The following GPR149 variants were observed in gnomAD, a reference collection of about 807,000 sequenced individuals.
GPR149 encodes the protein G protein-coupled receptor 149.
GPR149 carries 50 observed loss-of-function variants against 50.2 expected under a neutral mutation model. That is an observed-to-expected ratio of 1.00 (90% CI 0.79 to 1.26). The LOEUF (loss-of-function observed/expected upper bound fraction) is 1.26, where lower values mean the gene tolerates loss of function less well. Ranked by LOEUF, GPR149 falls within the 50% of genes most tolerant of loss-of-function variation. The pLI is 0.00. For synonymous variants in GPR149, 405 were observed against 358.2 expected (o/e 1.13, Z -1.48); for missense variants, 983 against 895.4 (o/e 1.10, Z -1.25).
At chr3:154,352,480 A>AAT in intron 3 of GPR149, 2 of 781,074 alleles carry the variant, frequency 2.6e-6, no homozygotes, top group East Asian at 4.9e-5. Flanking sequence ...TTCAGGAGGC[A>AAT]CACACTGGTA....
intron 3 of GPR149, among the ~76,000 whole-genome samples, chr3:154,399,539 T>A (rs1220846212): frequency 6.6e-6 from 1 of 152,208 alleles, no homozygotes; most frequent in African/African-American, 2.4e-5. Flanking sequence ...TCACTCTGTA[T>A]CCTACTTTGA....
chr3:154,429,242 A>C lies in GPR149; in HGVS notation c.374T>G (p.Leu125Arg). 6.2e-7 allele frequency: 1 copy of C among 1,614,190 alleles called. No individual in the cohort carries two copies. Among genetic ancestry groups the C allele is most frequent in the Non-Finnish European group, 8.5e-7 (1 of 1,180,032 alleles). The change falls in exon 1 of 4, where the codon CTC (leucine) becomes CGC (arginine). Residue 125 changes from leucine to arginine, a missense_variant. By Grantham distance (102) the Leu-to-Arg change is moderately radical. Transcript: ENST00000389740. ...CGTATAAAAGTTGTAAGAGACTAGG[A>C]GAGTCGCCTTCAAGTTGCTAGAGAG... ...QGLSSNLKAT[L>R]LVSYNFYTMH...
chr3:154,367,703 C>CT (rs1714562430), intron 3 of GPR149, among the ~76,000 whole-genome samples: 1 of 152,184 alleles, frequency 6.6e-6, no homozygotes. Context: ...AAACTTACAG[C>CT]TTTTTTTCTC....
At chr3:154,384,630 C>T (rs2108408548) in intron 3 of GPR149, among the ~76,000 whole-genome samples, 1 of 152,272 alleles carries the variant, frequency 6.6e-6, no homozygotes, top group African/African-American at 2.4e-5. Context: ...TTCTCAAATG[C>T]CTCATTTTTC....
At chr3:154,425,959 T>A (rs1198388828) in intron 2 of GPR149, among the ~76,000 whole-genome samples, 1 of 127,174 alleles carries the variant, frequency 7.9e-6, no homozygotes, top group Non-Finnish European at 1.7e-5. Context: ...ACTTTTCATT[T>A]TCACTGGCAC....
intron 3 of GPR149, among the ~76,000 whole-genome samples, chr3:154,355,275 C>G (rs904468319): frequency 1.3e-5 from 2 of 152,324 alleles, no homozygotes; most frequent in Middle Eastern, 6.8e-3. Context: ...ATCCACCCAC[C>G]TTGGCCTCCC....
At chr3:154,410,321 GA>G (rs1305450702) in intron 3 of GPR149, among the ~76,000 whole-genome samples, 4 of 151,614 alleles carry the variant, frequency 2.6e-5, no homozygotes, top group Non-Finnish European at 5.9e-5. Flanking sequence ...CAATAACAAT[GA>G]AAAAAACCAA....
intron 3 of GPR149, chr3:154,353,559 C>T (rs771678783): frequency 1.7e-5 from 17 of 1,001,524 alleles, no homozygotes; most frequent in Admixed American, 3.5e-5. Flanking sequence ...GATGTCAATA[C>T]CATTTTGCAT....
At position 154,427,651 on chromosome 3, in the gene GPR149, T is replaced by C; in HGVS notation, c.1039A>G (p.Ser347Gly). ...GTGGCCAGCAGGGTAAGTAGAAAGC[T>C]GAATGTCTCCAAGGGAAGGCTCTGA... ...GFQSLPLETF[S>G]FLLTLLATTV... is the part of the protein sequence containing the mutation. Residue 347 changes from serine to glycine, a missense_variant, in exon 2 of 4, where the codon AGC (serine) becomes GGC (glycine). Ser to Gly is a moderately conservative substitution (Grantham distance 56). Coordinates refer to ENST00000389740, the MANE Select transcript of GPR149 (RefSeq NM_001038705.3). 2 of 1,614,180 alleles carry C rather than the reference T, an allele frequency of 1.2e-6. No individual in the cohort carries two copies. Among genetic ancestry groups the C allele is most frequent in the Non-Finnish European group, 1.7e-6 (2 of 1,180,008 alleles).
intron 3 of GPR149, among the ~76,000 whole-genome samples, chr3:154,419,281 C>T (rs949318110): frequency 6.6e-6 from 1 of 152,018 alleles, no homozygotes; most frequent in African/African-American, 2.4e-5. Context: ...TGTTCTTCAT[C>T]ATTCTCCCAG....
chr3:154,337,362 A>G lies in GPR149; in HGVS notation c.*337T>C, dbSNP rs182340530. ...GTATATAGAAACATATGCATGGAAC[A>G]GTATATTCACTGAGTTTATACAATT... On this transcript the variant is annotated 3_prime_UTR_variant, in exon 4 of 4. Coordinates refer to ENST00000389740, the MANE Select transcript of GPR149 (RefSeq NM_001038705.3). Among the ~76,000 whole-genome samples the G allele has an allele frequency of 6.6e-6, 1 of 152,342 alleles. No homozygotes were observed. The highest frequency in any genetic ancestry group is 2.4e-5 in the African/African-American group (1 of 41,594).
At position 154,428,780 on chromosome 3, in the gene GPR149, G is replaced by T. The variant is rs760959162; in HGVS notation, c.836C>A (p.Ala279Glu). The part of the protein sequence containing the change: ...PSSDTVFGPG[A>E]PAAAGAEACR... ...GGCTTCAGCCCCAGCGGCAGCGGGC[G>T]CACCCGGTCCGAACACGGTGTCGGA... Residue 279 changes from alanine (A) to glutamate (E), a missense_variant, in exon 1 of 4, where the codon GCG becomes GAG. Physicochemically the swap from Ala to Glu is moderately radical, Grantham distance 107. Transcript: ENST00000389740. 21 of 1,613,804 alleles carry T rather than the reference G, an allele frequency of 1.3e-5. No homozygotes were observed. The highest frequency in any genetic ancestry group is 9.3e-5 in the African/African-American group (7 of 74,926).
rs140160797 is a variant in GPR149 at position 154,357,043 on chromosome 3, C to G, written c.1624-18772G>C. ...AATAATGCCACATATTTACAGCCAT[C>G]TGATCTTTGACAAATCTGACAAAAA... On this transcript the variant is annotated intron_variant, in intron 3 of 3. Transcript: ENST00000389740. Among the ~76,000 whole-genome samples the G allele has an allele frequency of 7.3e-3, 1,112 of 152,286 alleles. 12 individuals are homozygous for G. Among genetic ancestry groups the G allele is most frequent in the African/African-American group, 0.026 (1,074 of 41,544 alleles).
At chr3:154,395,397 TA>T (rs1715266459) in intron 3 of GPR149, among the ~76,000 whole-genome samples, 1 of 149,188 alleles carries the variant, frequency 6.7e-6, no homozygotes, top group South Asian at 2.1e-4. Context: ...TATCTAAATG[TA>T]AACAAAATAT....
In GPR149 at chr3:154,428,968, C is replaced by A. The variant is rs1576935043; in HGVS notation, c.648G>T (p.Leu216Phe). Residue 216 changes from leucine (L) to phenylalanine (F), a missense_variant, in exon 1 of 4, where the codon TTG (leucine) becomes TTT (phenylalanine). Leu to Phe is a conservative substitution (Grantham distance 22). Coordinates refer to ENST00000389740, the MANE Select transcript of GPR149 (RefSeq NM_001038705.3). The stretch of plus-strand genomic sequence containing the variant: ...GTCTCGGCGGCTCCTCCGAACACAG[C>A]AATCGGTGAGTGAGTGGGACTGAGA... Reference protein sequence around the residue: ...VGLSVPLTHRLLCSEEPPRLH... With the variant: ...VGLSVPLTHRFLCSEEPPRLH... 2 of 1,613,922 alleles carry A rather than the reference C, an allele frequency of 1.2e-6. No individual in the cohort carries two copies. Among genetic ancestry groups the A allele is most frequent in the East Asian group, 2.2e-5 (1 of 44,848 alleles).
chr3:154,357,487 A>G (rs1469082997), intron 3 of GPR149, among the ~76,000 whole-genome samples: 1 of 152,132 alleles, frequency 6.6e-6, no homozygotes, highest in Non-Finnish European at 1.5e-5. Context: ...AATTTACAAG[A>G]AAAAAACAAC....
chr3:154,347,263 G>T (rs774915762), intron 3 of GPR149, among the ~76,000 whole-genome samples: 3 of 152,202 alleles, frequency 2.0e-5, no homozygotes, highest in Non-Finnish European at 2.9e-5. Flanking sequence ...AAAAGAAAGA[G>T]ATTTAATTGA....
chr3:154,428,709 T>C lies in GPR149; in HGVS notation c.907A>G (p.Thr303Ala). 6.2e-7 allele frequency: 1 copy of C among 1,614,094 alleles called. No homozygotes were observed. The highest frequency in any genetic ancestry group is 1.1e-5 in the South Asian group (1 of 91,076). Reference sequence around the variant, plus strand: ...AAGCGCTTCTGCGCTACGCTCACGGTGAAGCTCCTGGTGCCATAGAGAGTC... The same window carrying C: ...AAGCGCTTCTGCGCTACGCTCACGGCGAAGCTCCTGGTGCCATAGAGAGTC... ...RGTLYGTRSF[T>A]VSVAQKRFAL... The change falls in exon 1 of 4, where the codon ACC (threonine) becomes GCC (alanine). Residue 303 changes from threonine (T) to alanine (A), a missense_variant. Thr to Ala is a moderately conservative substitution (Grantham distance 58). Transcript: ENST00000389740.
chr3:154,403,343 T>A (rs1711594727), intron 3 of GPR149, among the ~76,000 whole-genome samples: 1 of 152,158 alleles, frequency 6.6e-6, no homozygotes, highest in African/African-American at 2.4e-5. Flanking sequence ...AAACAACAGA[T>A]GACAAATGTA....
Sources: gnomAD v4.1 joint callset for allele counts (sites outside exome capture counted in the v4.1 genomes callset) on GRCh38, gnomAD v4.1.1 for gene constraint, MANE v1.5 for transcripts, NCBI Gene and HGNC (gene_info 2026-07-23, HGNC 2026-07-21) for gene names.